KCNK2: variants seen among roughly 807,000 people sequenced by gnomAD.
KCNK2 encodes the protein potassium channel subfamily K member 2.
Under a neutral mutation model 40.5 loss-of-function variants are expected in KCNK2, and 21 were observed. That is an observed-to-expected ratio of 0.52 (90% CI 0.37 to 0.75). The LOEUF is 0.75. Ranked by LOEUF, KCNK2 falls within the 30% of genes least tolerant of loss-of-function variation. The pLI is 0.00. For missense variants in KCNK2, 399 were observed against 531.6 expected (o/e 0.75, Z 2.45); for synonymous variants, 191 against 202.2 (o/e 0.94, Z 0.47).
At chr1:215,225,071 A>G (rs530829158) in intron 6 of KCNK2, among the ~76,000 whole-genome samples, 40 of 152,278 alleles carry the variant, frequency 2.6e-4, no homozygotes, top group African/African-American at 8.7e-4. Flanking sequence ...TACTACTTAA[A>G]TAACTTTTTA....
At chr1:215,023,935 A>C (rs1228421005) in intron 1 of KCNK2, among the ~76,000 whole-genome samples, 1 of 152,140 alleles carries the variant, frequency 6.6e-6, no homozygotes, top group African/African-American at 2.4e-5. Flanking sequence ...TAGGACACAA[A>C]AGAGGAGAAG....
chr1:215,097,229 A>G (rs1377741103), intron 2 of KCNK2, among the ~76,000 whole-genome samples: 1 of 151,982 alleles, frequency 6.6e-6, no homozygotes, highest in Non-Finnish European at 1.5e-5. Flanking sequence ...TGCTTTGGAA[A>G]GGCATGTAAG....
intron 1 of KCNK2, among the ~76,000 whole-genome samples, chr1:215,075,952 A>G (rs889681147): frequency 1.1e-4 from 17 of 152,228 alleles, no homozygotes; most frequent in Non-Finnish European, 7.3e-5. Context: ...AAGAAGCATC[A>G]GGTACTTTGG....
chr1:215,097,165 T>G (rs1330299635), intron 2 of KCNK2, among the ~76,000 whole-genome samples: 3 of 151,998 alleles, frequency 2.0e-5, no homozygotes, highest in African/African-American at 7.2e-5. Flanking sequence ...ATGGTAAAAT[T>G]TAACCAATGA....
chr1:215,233,024 G>T (rs1666734486), intron 6 of KCNK2, among the ~76,000 whole-genome samples: 1 of 152,250 alleles, frequency 6.6e-6, no homozygotes, highest in Non-Finnish European at 1.5e-5. Context: ...TTCCTAACCT[G>T]GGAGTCCCCC....
intron 1 of KCNK2, among the ~76,000 whole-genome samples, chr1:215,022,150 A>G (rs116105337): frequency 0.014 from 1,135 of 78,912 alleles, 18 homozygotes; most frequent in African/African-American, 0.039. Context: ...TATCTAATCC[A>G]TCTATCTATC....
chr1:215,127,156 T>C (rs928924547), intron 3 of KCNK2, among the ~76,000 whole-genome samples: 4 of 152,088 alleles, frequency 2.6e-5, no homozygotes, highest in African/African-American at 9.7e-5. Flanking sequence ...TTGGGAGGGT[T>C]TTGGAAAATA....
At chr1:215,098,163 CT>C (rs1660060053) in intron 2 of KCNK2, among the ~76,000 whole-genome samples, 1 of 151,908 alleles carries the variant, frequency 6.6e-6, no homozygotes, top group Non-Finnish European at 1.5e-5. Context: ...GACATACATT[CT>C]GCTTAGTTAA....
intron 6 of KCNK2, among the ~76,000 whole-genome samples, chr1:215,215,913 G>C (rs940908757): frequency 6.6e-6 from 1 of 152,094 alleles, no homozygotes; most frequent in Non-Finnish European, 1.5e-5. Flanking sequence ...TATTTCCATT[G>C]TCCCTTATTT....
Position 215,196,087 on chromosome 1 carries a change from A to AT in KCNK2, c.963+1009dup, listed in dbSNP as rs5780818. 9.6e-4 allele frequency among the ~76,000 whole-genome samples: 139 copies of AT among 145,018 alleles called. 1 individual carries two copies. The highest frequency in any genetic ancestry group is 3.1e-3 in the African/African-American group (123 of 40,004). ...TCTTTGAAAATTATCAAGTCATATA[A>AT]TTTTTTTTTTTTTTGAGATGAAGTC... On this transcript the variant is annotated intron_variant, in intron 6 of 6. Coordinates refer to ENST00000444842, the MANE Select transcript of KCNK2 (RefSeq NM_001017425.3).
intron 5 of KCNK2, among the ~76,000 whole-genome samples, chr1:215,194,369 T>C (rs1399939368): frequency 6.6e-6 from 1 of 152,186 alleles, no homozygotes; most frequent in African/African-American, 2.4e-5. Context: ...GAATAATGAA[T>C]GGTAGTATTA....
intron 1 of KCNK2, among the ~76,000 whole-genome samples, chr1:215,056,173 T>C (rs1015962220): frequency 1.6e-4 from 25 of 151,716 alleles, no homozygotes; most frequent in African/African-American, 5.6e-4. Flanking sequence ...CCGGGCATGG[T>C]GGTGCATGCT....
intron 1 of KCNK2, among the ~76,000 whole-genome samples, chr1:215,032,165 T>A (rs1285332940): frequency 1.1e-4 from 16 of 151,496 alleles, no homozygotes; most frequent in Admixed American, 5.9e-4. Context: ...CCCAGCACAT[T>A]GGGAGGCAGA....
At chr1:215,110,290 A>C (rs938375261) in intron 2 of KCNK2, among the ~76,000 whole-genome samples, 1 of 151,902 alleles carries the variant, frequency 6.6e-6, no homozygotes, top group African/African-American at 2.4e-5. Flanking sequence ...TTTTGCCTCG[A>C]TCAATGTCTT....
At chr1:215,048,870 C>T (rs959453206) in intron 1 of KCNK2, among the ~76,000 whole-genome samples, 2 of 152,118 alleles carry the variant, frequency 1.3e-5, no homozygotes, top group African/African-American at 2.4e-5. Flanking sequence ...AGTGGTATCC[C>T]GTGGCATGAT....
intron 2 of KCNK2, among the ~76,000 whole-genome samples, chr1:215,120,701 A>G (rs1358947718): frequency 6.6e-6 from 1 of 152,146 alleles, no homozygotes; most frequent in African/African-American, 2.4e-5. Flanking sequence ...ACTCTTTCAG[A>G]TTTATGGAAG....
intron 5 of KCNK2, among the ~76,000 whole-genome samples, chr1:215,173,775 G>C (rs1400541535): frequency 6.6e-6 from 1 of 152,208 alleles, no homozygotes; most frequent in Non-Finnish European, 1.5e-5. Context: ...CTTCTTTTGA[G>C]AAGTGTCTGT....
chr1:215,182,909 C>T (rs1215764934), intron 5 of KCNK2, among the ~76,000 whole-genome samples: 7 of 152,138 alleles, frequency 4.6e-5, no homozygotes, highest in Non-Finnish European at 5.9e-5. Context: ...AGCTTTCTCC[C>T]TTGGCCTGGG....
chr1:215,030,914 G>T (rs962800571), intron 1 of KCNK2, among the ~76,000 whole-genome samples: 4 of 151,944 alleles, frequency 2.6e-5, no homozygotes, highest in Non-Finnish European at 5.9e-5. Flanking sequence ...TTTCTTTTGG[G>T]TTTTATGAAG....
Sources: allele counts gnomAD v4.1 joint callset (sites outside exome capture counted in the v4.1 genomes callset), GRCh38; gene constraint gnomAD v4.1.1; transcripts MANE v1.5; gene names NCBI Gene and HGNC (gene_info 2026-07-23, HGNC 2026-07-21).